The following TOX variants were observed in gnomAD, a reference collection of about 807,000 sequenced individuals.
TOX encodes the protein thymocyte selection-associated high mobility group box protein TOX.
In TOX, 11 loss-of-function variants were observed where a neutral mutation model predicts 53.7. The observed-to-expected ratio is 0.20, with a 90% CI of 0.13 to 0.34. TOX has a LOEUF of 0.34. Among genes scored for constraint, TOX ranks in the 10% least tolerant of loss-of-function variants. The probability of loss-of-function intolerance (pLI) is 1.00; values close to 1 mark genes in which losing one functional copy is unlikely to be tolerated. For synonymous variants in TOX, 225 were observed against 245.3 expected, an observed-to-expected ratio of 0.92 and a Z score of 0.77; for missense variants, 570 against 664.6, an observed-to-expected ratio of 0.86 and a Z score of 1.56.
intron 4 of TOX, among the ~76,000 whole-genome samples, chr8:58,839,165 T>C (rs1810600890): frequency 6.6e-6 from 1 of 152,240 alleles, no homozygotes. Flanking sequence ...AGATCAGTGC[T>C]GTCCAATGGA....
At chr8:58,892,503 T>C (rs1326646134) in intron 3 of TOX, among the ~76,000 whole-genome samples, 1 of 152,198 alleles carries the variant, frequency 6.6e-6, no homozygotes, top group Admixed American at 6.5e-5. Context: ...GTATGAAGGA[T>C]GTTACCAATA....
At chr8:59,058,033 A>T (rs193140164) in intron 1 of TOX, among the ~76,000 whole-genome samples, 1 of 152,230 alleles carries the variant, frequency 6.6e-6, no homozygotes, top group Non-Finnish European at 1.5e-5. Context: ...TTAAAATATA[A>T]AACCAATATC....
intron 1 of TOX, among the ~76,000 whole-genome samples, chr8:58,994,949 T>G (rs144806013): frequency 6.6e-6 from 1 of 152,344 alleles, no homozygotes; most frequent in Non-Finnish European, 1.5e-5. Context: ...CTTCCTTCCA[T>G]GTATCATCCA....
At chr8:59,008,195 G>C (rs1813827898) in intron 1 of TOX, among the ~76,000 whole-genome samples, 2 of 152,190 alleles carry the variant, frequency 1.3e-5, no homozygotes, top group Admixed American at 1.3e-4. Flanking sequence ...AATGATCTGT[G>C]TGTTTGCTTG....
At chr8:58,879,160 C>T (rs980597172) in intron 3 of TOX, among the ~76,000 whole-genome samples, 1 of 151,928 alleles carries the variant, frequency 6.6e-6, no homozygotes, top group Admixed American at 6.6e-5. Context: ...CCATTAAGAC[C>T]TACATTCATG....
In TOX at chr8:59,101,801, C is replaced by A. The variant is rs150360614; in HGVS notation, c.102+17085G>T. Among the ~76,000 whole-genome samples the A allele has an allele frequency of 1.4e-4, 22 of 152,246 alleles. No homozygotes were observed. The East Asian group carries it at 3.7e-3, about 25-fold the overall frequency. ...AAATCCAAAAAACAAACAAACAAAA[C>A]CTTTTATTTTTATGGTGTTCTATGG... On this transcript the variant is annotated intron_variant, in intron 1 of 8. Transcript: ENST00000361421.
intron 1 of TOX, among the ~76,000 whole-genome samples, chr8:59,076,354 A>G (rs1220414490): frequency 6.6e-6 from 1 of 152,214 alleles, no homozygotes; most frequent in Non-Finnish European, 1.5e-5. Flanking sequence ...GAAAAACCAA[A>G]TGAGGAGATG....
At position 59,006,992 on chromosome 8, in the gene TOX, G is replaced by A. The variant is rs192404217; in HGVS notation, c.103-46984C>T. Among the ~76,000 whole-genome samples, 51 of 152,204 alleles carry A rather than the reference G, an allele frequency of 3.4e-4. No homozygotes were observed. The East Asian group carries it at 3.5e-3, about 10-fold the overall frequency. The stretch of plus-strand genomic sequence containing the variant: ...AATGCTGAATGGAGGCATACACTTC[G>A]TACACACTTGTTGATGGATTGAATC... On this transcript the variant is annotated intron_variant, in intron 1 of 8. Coordinates refer to ENST00000361421, the MANE Select transcript of TOX (RefSeq NM_014729.3).
intron 3 of TOX, among the ~76,000 whole-genome samples, chr8:58,910,932 A>G (rs4737527): frequency 0.26 from 39,033 of 152,156 alleles, 6,121 homozygotes; most frequent in East Asian, 0.41. Flanking sequence ...CAGAACATGC[A>G]CCTCGGATAA....
intron 3 of TOX, among the ~76,000 whole-genome samples, chr8:58,858,697 G>T (rs1232795911): frequency 6.6e-6 from 1 of 152,200 alleles, no homozygotes; most frequent in Non-Finnish European, 1.5e-5. Flanking sequence ...TTTCCCCAGG[G>T]CAATAAGGAG....
At chr8:59,012,499 G>A (rs904926192) in intron 1 of TOX, among the ~76,000 whole-genome samples, 11 of 151,406 alleles carry the variant, frequency 7.3e-5, no homozygotes, top group African/African-American at 2.4e-4. Context: ...GAAGCCTCAG[G>A]CCTAAACCCC....
intron 1 of TOX, among the ~76,000 whole-genome samples, chr8:59,105,748 T>G (rs1039744184): frequency 2.0e-5 from 3 of 152,228 alleles, no homozygotes; most frequent in African/African-American, 7.2e-5. Flanking sequence ...TTCTCACCTA[T>G]TCAAAATGAC....
chr8:58,992,550 T>C (rs1337790714), intron 1 of TOX, among the ~76,000 whole-genome samples: 1 of 152,194 alleles, frequency 6.6e-6, no homozygotes, highest in Non-Finnish European at 1.5e-5. Context: ...AGCTATACTC[T>C]GTCAACTTCT....
At chr8:59,068,482 A>C (rs1804136086) in intron 1 of TOX, among the ~76,000 whole-genome samples, 1 of 152,124 alleles carries the variant, frequency 6.6e-6, no homozygotes. Flanking sequence ...GAAAACAAGA[A>C]GAGATGGAGC....
intron 1 of TOX, among the ~76,000 whole-genome samples, chr8:58,990,286 T>C (rs753737243): frequency 9.2e-5 from 14 of 152,150 alleles, no homozygotes; most frequent in Non-Finnish European, 1.8e-4. Flanking sequence ...CTTTTAACCA[T>C]GATATGGTGG....
intron 5 of TOX, among the ~76,000 whole-genome samples, chr8:58,830,339 CAT>C: frequency 6.6e-6 from 1 of 152,216 alleles, no homozygotes; most frequent in South Asian, 2.1e-4. Context: ...TAAACTAAAA[CAT>C]ATATAATGGC....
intron 3 of TOX, among the ~76,000 whole-genome samples, chr8:58,856,406 C>A (rs1448229500): frequency 6.6e-6 from 1 of 152,092 alleles, no homozygotes; most frequent in African/African-American, 2.4e-5. Context: ...TCCAAATATT[C>A]AAAAAATATT....
chr8:58,947,489 A>C (rs1812542536), intron 2 of TOX, among the ~76,000 whole-genome samples: 1 of 152,220 alleles, frequency 6.6e-6, no homozygotes, highest in African/African-American at 2.4e-5. Context: ...TAATTTTATA[A>C]ACAAAGATAA....
intron 6 of TOX, among the ~76,000 whole-genome samples, chr8:58,819,839 T>G (rs149985972): frequency 6.6e-5 from 10 of 152,312 alleles, no homozygotes; most frequent in Admixed American, 1.3e-4. Context: ...ATCAAATTAA[T>G]AGTCCATCTA....
Sources: allele counts gnomAD v4.1 joint callset (sites outside exome capture counted in the v4.1 genomes callset), GRCh38; gene constraint gnomAD v4.1.1; transcripts MANE v1.5; gene names NCBI Gene and HGNC (gene_info 2026-07-23, HGNC 2026-07-21).